FOXN3: variants seen among roughly 807,000 people sequenced by gnomAD.
FOXN3 encodes the protein forkhead box N3.
Under a neutral mutation model 38.4 loss-of-function variants are expected in FOXN3, and 7 were observed. The observed-to-expected ratio is 0.18, with a 90% CI of 0.10 to 0.34. FOXN3 has a LOEUF of 0.34. FOXN3 is among the 10% of genes least tolerant of loss of function. The pLI is 1.00. For missense variants in FOXN3, 456 were observed against 613.4 expected (o/e 0.74, Z 2.71); for synonymous variants, 230 against 242.2 (o/e 0.95, Z 0.47).
rs151083928 is a variant in FOXN3 at position 89,520,922 on chromosome 14, C to G, written c.-15+98106G>C. Among the ~76,000 whole-genome samples, 334 of 152,290 alleles carry G rather than the reference C, an allele frequency of 2.2e-3. 2 individuals carry two copies. The highest frequency in any genetic ancestry group is 7.7e-3 in the African/African-American group (319 of 41,568). ...TATTTTACCACCAAAAAATCATGCA[C>G]ATGATGTAAAATATGCTCATCATAA... On this transcript the variant is annotated intron_variant, in intron 1 of 6. Transcript: ENST00000345097.
At chr14:89,182,311 G>T (rs1027013624) in intron 4 of FOXN3, among the ~76,000 whole-genome samples, 1 of 152,024 alleles carries the variant, frequency 6.6e-6, no homozygotes, top group Non-Finnish European at 1.5e-5. Flanking sequence ...TCAATTCTTT[G>T]GGCATTCTGC....
At chr14:89,609,808 T>C (rs962113722) in intron 1 of FOXN3, among the ~76,000 whole-genome samples, 2 of 151,632 alleles carry the variant, frequency 1.3e-5, no homozygotes, top group African/African-American at 4.9e-5. Context: ...CCAGTAAGGG[T>C]TGTGGAGATG....
At chr14:89,315,450 G>A (rs2139965176) in intron 3 of FOXN3, among the ~76,000 whole-genome samples, 1 of 152,228 alleles carries the variant, frequency 6.6e-6, no homozygotes, top group Middle Eastern at 3.4e-3. Flanking sequence ...GAGATCAAAG[G>A]CAAGGGCAGC....
intron 4 of FOXN3, among the ~76,000 whole-genome samples, chr14:89,194,444 C>G (rs994964673): frequency 2.6e-5 from 4 of 152,012 alleles, no homozygotes; most frequent in South Asian, 2.1e-4. Flanking sequence ...CCAGGAGGAC[C>G]CTCTTTGGCT....
chr14:89,532,471 AT>A (rs1040349074), intron 1 of FOXN3, among the ~76,000 whole-genome samples: 7 of 152,142 alleles, frequency 4.6e-5, no homozygotes, highest in African/African-American at 1.7e-4. Context: ...TCACAACCAT[AT>A]TTTTTAAAAC....
At chr14:89,594,431 G>A (rs1415672295) in intron 1 of FOXN3, among the ~76,000 whole-genome samples, 6 of 152,142 alleles carry the variant, frequency 3.9e-5, no homozygotes, top group African/African-American at 9.7e-5. Context: ...CACATTTCAC[G>A]TGGTTTCTAA....
chr14:89,439,902 C>G (rs1892344896), intron 1 of FOXN3, among the ~76,000 whole-genome samples: 1 of 152,234 alleles, frequency 6.6e-6, no homozygotes, highest in East Asian at 1.9e-4. Context: ...GATCCACCCG[C>G]CTCGGCCTCC....
At chr14:89,360,759 TCCACCACTACCA>T (rs1889489409) in intron 2 of FOXN3, among the ~76,000 whole-genome samples, 1 of 38,918 alleles carries the variant, frequency 2.6e-5, no homozygotes, top group African/African-American at 1.7e-4. Flanking sequence ...CACCACCACC[TCCACCACTACCA>T]CCTCCACCAC....
chr14:89,469,898 G>C (rs1893056248), intron 1 of FOXN3, among the ~76,000 whole-genome samples: 1 of 152,246 alleles, frequency 6.6e-6, no homozygotes, highest in South Asian at 2.1e-4. Flanking sequence ...GTGAATGTCA[G>C]CGAGTTGGTC....
intron 1 of FOXN3, among the ~76,000 whole-genome samples, chr14:89,447,963 G>T (rs960895260): frequency 6.6e-6 from 1 of 151,690 alleles, no homozygotes; most frequent in Non-Finnish European, 1.5e-5. Flanking sequence ...AGAGGCACCT[G>T]CCAACACGCC....
chr14:89,511,169 CTTT>C (rs1194418037), intron 1 of FOXN3, among the ~76,000 whole-genome samples: 610 of 15,890 alleles, frequency 0.038, 63 homozygotes, highest in Middle Eastern at 0.14. Context: ...TTCTTTCTTT[CTTT>C]CTTTCTTTCT....
intron 1 of FOXN3, among the ~76,000 whole-genome samples, chr14:89,480,457 T>C (rs575392602): frequency 2.2e-4 from 33 of 152,028 alleles, no homozygotes; most frequent in African/African-American, 7.7e-4. Flanking sequence ...GAACTCAGTG[T>C]GTTGACTTTT....
At chr14:89,485,531 G>A (rs1425388508) in intron 1 of FOXN3, among the ~76,000 whole-genome samples, 2 of 152,162 alleles carry the variant, frequency 1.3e-5, no homozygotes, top group Non-Finnish European at 1.5e-5. Flanking sequence ...AGGATGGCAG[G>A]TGTGTGAGAG....
rs187726179 is a variant in FOXN3 at position 89,306,835 on chromosome 14, A to G, written c.681-25821T>C. Among the ~76,000 whole-genome samples the G allele has an allele frequency of 5.7e-4, 87 of 152,356 alleles. 1 individual carries two copies. Among genetic ancestry groups the G allele is most frequent in the African/African-American group, 2.0e-3 (83 of 41,580 alleles). On this transcript the variant is annotated intron_variant, in intron 3 of 5. Coordinates refer to ENST00000557258, the MANE Select transcript of FOXN3 (RefSeq NM_005197.4). Reference sequence around the variant, plus strand: ...GTAATGGTCAGGGAAAAAAGAATCAAAAGAAGAATATTATTTCTTGACAAG... The same window carrying G: ...GTAATGGTCAGGGAAAAAAGAATCAGAAGAAGAATATTATTTCTTGACAAG...
intron 1 of FOXN3, among the ~76,000 whole-genome samples, chr14:89,599,337 T>C (rs1265777197): frequency 6.6e-6 from 1 of 152,196 alleles, no homozygotes; most frequent in Admixed American, 6.5e-5. Flanking sequence ...CTTACAGCAT[T>C]TCCATCACCC....
At chr14:89,494,129 C>T (rs980065584) in intron 1 of FOXN3, 3 of 152,162 alleles carry the variant, frequency 2.0e-5, no homozygotes, top group Admixed American at 6.6e-5. Flanking sequence ...TTTACACTTA[C>T]TTAATATAGT....
chr14:89,527,232 G>T (rs1566687333), intron 1 of FOXN3, among the ~76,000 whole-genome samples: 1 of 152,084 alleles, frequency 6.6e-6, no homozygotes. Flanking sequence ...TATAAAAAAT[G>T]AATTCAAAAT....
At chr14:89,405,172 T>G (rs1429204630) in intron 2 of FOXN3, among the ~76,000 whole-genome samples, 1 of 152,172 alleles carries the variant, frequency 6.6e-6, no homozygotes, top group African/African-American at 2.4e-5. Flanking sequence ...AGTCTCACTC[T>G]GTCGCTCAGG....
intron 4 of FOXN3, among the ~76,000 whole-genome samples, chr14:89,181,480 C>T (rs6575039): frequency 0.69 from 105,299 of 152,048 alleles, 37,168 homozygotes; most frequent in Non-Finnish European, 0.76. Context: ...CATCTCAGCA[C>T]GCACCACACA....
Sources: allele counts gnomAD v4.1 joint callset (sites outside exome capture counted in the v4.1 genomes callset), GRCh38; gene constraint gnomAD v4.1.1; transcripts MANE v1.5; gene names NCBI Gene and HGNC (gene_info 2026-07-23, HGNC 2026-07-21).